The following IMMP2L variants were observed in gnomAD, a reference collection of about 807,000 sequenced individuals.
IMMP2L encodes the protein inner mitochondrial membrane peptidase subunit 2.
Under a neutral mutation model 19.3 loss-of-function variants are expected in IMMP2L, and 18 were observed. The observed-to-expected ratio is 0.93, with a 90% confidence interval of 0.64 to 1.38. The LOEUF is 1.38. Among genes scored for constraint, IMMP2L ranks in the 40% most tolerant of loss-of-function variants. IMMP2L has a pLI of 0.00. For synonymous variants in IMMP2L, 76 were observed against 73.0 expected (o/e 1.04, Z -0.21); for missense variants, 233 against 218.2 (o/e 1.07, Z -0.43).
intron 4 of IMMP2L, among the ~76,000 whole-genome samples, chr7:110,915,377 T>G (rs1813490016): frequency 6.6e-6 from 1 of 150,984 alleles, no homozygotes; most frequent in Non-Finnish European, 1.5e-5. Context: ...AGACAAATAC[T>G]GTGTAATATC....
intron 3 of IMMP2L, among the ~76,000 whole-genome samples, chr7:111,300,327 T>G (rs1822085544): frequency 6.6e-6 from 1 of 152,188 alleles, no homozygotes; most frequent in Admixed American, 6.5e-5. Flanking sequence ...TCACTAGGGC[T>G]GGAAGTCATA....
chr7:111,133,899 T>G (rs1209245367), intron 3 of IMMP2L, among the ~76,000 whole-genome samples: 1 of 152,050 alleles, frequency 6.6e-6, no homozygotes, highest in Non-Finnish European at 1.5e-5. Flanking sequence ...GTCCAGTATT[T>G]GATTGATATC....
intron 4 of IMMP2L, among the ~76,000 whole-genome samples, chr7:110,951,909 C>G (rs765219270): frequency 6.6e-6 from 1 of 151,940 alleles, no homozygotes; most frequent in Non-Finnish European, 1.5e-5. Context: ...AAAGAGAAAC[C>G]CCGGTCAACG....
At chr7:111,319,025 C>T (rs946676333) in intron 3 of IMMP2L, among the ~76,000 whole-genome samples, 5 of 152,086 alleles carry the variant, frequency 3.3e-5, no homozygotes, top group African/African-American at 7.2e-5. Flanking sequence ...AATAAGAAAA[C>T]ATCCCTGTCC....
At chr7:111,055,764 G>A (rs1022473570) in intron 3 of IMMP2L, among the ~76,000 whole-genome samples, 2 of 152,276 alleles carry the variant, frequency 1.3e-5, no homozygotes, top group East Asian at 1.9e-4. Flanking sequence ...TCAGGAGAAG[G>A]AGCAGAATTA....
chr7:110,869,966 T>C (rs1172462693), intron 5 of IMMP2L, among the ~76,000 whole-genome samples: 2 of 152,256 alleles, frequency 1.3e-5, no homozygotes, highest in South Asian at 2.1e-4. Flanking sequence ...AGTCCTGCTA[T>C]TGCCCTGTAG....
chr7:110,727,390 CTAAA>C lies in IMMP2L; in HGVS notation c.409-63673_409-63670del, dbSNP rs58224781. On this transcript the variant is annotated intron_variant, in intron 5 of 5. Transcript: ENST00000405709. The surrounding 1 kb of genome is among the most constrained non-coding windows in gnomAD (Gnocchi z 4.3). Reference sequence around the variant, plus strand: ...TGGATGACAGAGTGAGACTCTGTCTCTAAATAAATAAATAAATAAATAAATAAAT... The same window carrying C: ...TGGATGACAGAGTGAGACTCTGTCTCTAAATAAATAAATAAATAAATAAAT... 0.5 allele frequency among the ~76,000 whole-genome samples: 73,470 copies of C among 147,358 alleles called. 18,242 individuals are homozygous for C. The highest frequency in any genetic ancestry group is 0.6 in the Middle Eastern group (173 of 290).
rs148569202 is a variant in IMMP2L, at chr7:111,557,954, T to C, written c.-3+3897A>G. Reference sequence around the variant, plus strand: ...CTTAAGAACGTACAGACATCTTTAGTACAGACATCTGTTACTGTAGTACAG... The same window carrying C: ...CTTAAGAACGTACAGACATCTTTAGCACAGACATCTGTTACTGTAGTACAG... On this transcript the variant is annotated intron_variant, in intron 1 of 5. Coordinates refer to ENST00000405709, the MANE Select transcript of IMMP2L (RefSeq NM_032549.4). 9.9e-4 allele frequency among the ~76,000 whole-genome samples: 151 copies of C among 152,100 alleles called. 2 individuals are homozygous for C. The highest frequency in any genetic ancestry group is 3.3e-3 in the African/African-American group (135 of 41,486).
At chr7:111,497,500 G>A (rs1308680800) in intron 2 of IMMP2L, among the ~76,000 whole-genome samples, 1 of 152,062 alleles carries the variant, frequency 6.6e-6, no homozygotes, top group African/African-American at 2.4e-5. Flanking sequence ...AAATTACATT[G>A]TGGAAAAATA....
intron 3 of IMMP2L, among the ~76,000 whole-genome samples, chr7:111,395,854 AAGAAG>A (rs1832817759): frequency 6.6e-6 from 1 of 152,152 alleles, no homozygotes; most frequent in Non-Finnish European, 1.5e-5. Context: ...AGAGTGTCTG[AAGAAG>A]AGAAAACAAA....
chr7:111,263,436 T>C (rs942119129), intron 3 of IMMP2L, among the ~76,000 whole-genome samples: 1 of 152,110 alleles, frequency 6.6e-6, no homozygotes, highest in African/African-American at 2.4e-5. Context: ...AACAGCTATT[T>C]GTTGAAATGA....
chr7:111,499,481 C>T (rs971951200), intron 2 of IMMP2L, among the ~76,000 whole-genome samples: 4 of 152,054 alleles, frequency 2.6e-5, no homozygotes, highest in African/African-American at 9.7e-5. Context: ...GTCCCAGGTC[C>T]CAGTATGGAA....
chr7:111,442,902 C>T (rs1267302603), intron 3 of IMMP2L, among the ~76,000 whole-genome samples: 1 of 151,778 alleles, frequency 6.6e-6, no homozygotes, highest in Non-Finnish European at 1.5e-5. Context: ...GACCTAGTTA[C>T]AAATACCATT....
intron 3 of IMMP2L, among the ~76,000 whole-genome samples, chr7:111,153,140 T>G (rs1452024634): frequency 6.6e-6 from 1 of 152,142 alleles, no homozygotes. Flanking sequence ...TACTGCCTTA[T>G]GGCAAATAGC....
At chr7:110,939,731 A>G (rs1816528925) in intron 4 of IMMP2L, among the ~76,000 whole-genome samples, 1 of 152,212 alleles carries the variant, frequency 6.6e-6, no homozygotes, top group African/African-American at 2.4e-5. Context: ...GACTATCTTT[A>G]AACAAAATGT....
chr7:111,438,198 C>CA (rs1479511121), intron 3 of IMMP2L, among the ~76,000 whole-genome samples: 6 of 151,688 alleles, frequency 4.0e-5, no homozygotes, highest in African/African-American at 1.5e-4. Flanking sequence ...TATTTTTCAC[C>CA]AAAAATACTA....
At chr7:111,061,591 C>G (rs1023816318) in intron 3 of IMMP2L, among the ~76,000 whole-genome samples, 1 of 152,150 alleles carries the variant, frequency 6.6e-6, no homozygotes, top group Non-Finnish European at 1.5e-5. Context: ...CCAAATACAT[C>G]TCAAGTCCAC....
chr7:110,777,084 A>C (rs1208831840), intron 5 of IMMP2L, among the ~76,000 whole-genome samples: 1 of 151,994 alleles, frequency 6.6e-6, no homozygotes, highest in African/African-American at 2.4e-5. Context: ...GGAGGATAAA[A>C]GTAGTAAGAA....
chr7:110,718,016 T>C (rs1584598634), intron 5 of IMMP2L, among the ~76,000 whole-genome samples: 2 of 152,194 alleles, frequency 1.3e-5, no homozygotes, highest in Admixed American at 6.5e-5. Context: ...TGATAAGGTA[T>C]GGTCCCTGGG....
Sources: gnomAD v4.1 joint callset for allele counts (sites outside exome capture counted in the v4.1 genomes callset) on GRCh38, gnomAD v4.1.1 for gene constraint, Gnocchi (gnomAD v3.1) non-coding constraint, MANE v1.5 for transcripts, NCBI Gene and HGNC (gene_info 2026-07-23, HGNC 2026-07-21) for gene names.